GPR161: variants seen among roughly 807,000 people sequenced by gnomAD.
The protein encoded by GPR161 is G protein-coupled receptor 161, also known as G-protein coupled receptor RE2.
GPR161 carries 25 observed loss-of-function variants against 39.2 expected under a neutral mutation model. The ratio of observed to expected loss-of-function variants is 0.64; its 90% CI spans 0.47 to 0.89. The LOEUF (loss-of-function observed/expected upper bound fraction) is 0.89, where lower values mean the gene tolerates loss of function less well. Among genes scored for constraint, GPR161 ranks in the 40% least tolerant of loss-of-function variants. The pLI, the probability that GPR161 is intolerant of heterozygous loss-of-function variation, is 0.00. For missense variants in GPR161, 547 were observed against 677.8 expected, an observed-to-expected ratio of 0.81 and a Z score of 2.14; for synonymous variants, 286 against 276.6, an observed-to-expected ratio of 1.03 and a Z score of -0.34.
intron 1 of GPR161, among the ~76,000 whole-genome samples, chr1:168,128,181 AG>A (rs1220931754): frequency 6.6e-6 from 1 of 152,190 alleles, no homozygotes; most frequent in African/African-American, 2.4e-5. Context: ...TTTAAGCAGA[AG>A]AGCTGAAATG....
In GPR161 at chr1:168,136,754, G is replaced by C. The variant is rs1408437838; in HGVS notation, c.-60C>G. On this transcript the variant is annotated 5_prime_UTR_variant, in exon 1 of 6. Transcript: ENST00000682931. Reference sequence around the variant, plus strand: ...GGGTGCTCACCGAGGAGCGGCCGCCGCGGCAGCTCAGGCCCCGGCCCAGCC... The same window carrying C: ...GGGTGCTCACCGAGGAGCGGCCGCCCCGGCAGCTCAGGCCCCGGCCCAGCC... The C allele has an allele frequency of 1.9e-5, 19 of 994,896 alleles. No individual in the cohort carries two copies. Among genetic ancestry groups the C allele is most frequent in the Non-Finnish European group, 2.0e-5 (17 of 836,816 alleles). 61.6% of individuals were successfully genotyped at this position (994,896 alleles called of 1,614,324 possible).
intron 1 of GPR161, among the ~76,000 whole-genome samples, chr1:168,126,968 G>A (rs1247717864): frequency 6.6e-6 from 1 of 152,122 alleles, no homozygotes; most frequent in Non-Finnish European, 1.5e-5. Flanking sequence ...TGAATTCCCT[G>A]TGACTGTGTG....
rs925157551 is a variant in GPR161 at position 168,080,758 on chromosome 1, G to A, written c.*4773C>T. The A allele has an allele frequency of 2.6e-5, 4 of 152,230 alleles. No homozygotes were observed. Among genetic ancestry groups the A allele is most frequent in the African/African-American group, 7.2e-5 (3 of 41,438 alleles). The allele number at this position is 152,230 out of a possible 1,614,324, so 9.4% of individuals were successfully genotyped here. On this transcript the variant is annotated 3_prime_UTR_variant, in exon 6 of 6. Coordinates refer to ENST00000682931, the MANE Select transcript of GPR161 (RefSeq NM_001375883.1). Reference sequence around the variant, plus strand: ...CTGTATTTGTGCTATGATTTGGAACGTTACACCAGGCCCTGGGGATTTGAT... The same window carrying A: ...CTGTATTTGTGCTATGATTTGGAACATTACACCAGGCCCTGGGGATTTGAT...
At chr1:168,097,379 C>A (rs1695661009) in intron 2 of GPR161, 147 bp from the exon 3 acceptor site, 3 of 747,122 alleles carry the variant, frequency 4.0e-6, no homozygotes, top group Non-Finnish European at 6.6e-6. Flanking sequence ...GTTATATAGA[C>A]TGCATCGTGT....
chr1:168,116,799 C>T (rs924399139), intron 1 of GPR161, among the ~76,000 whole-genome samples: 2 of 152,200 alleles, frequency 1.3e-5, no homozygotes, highest in Admixed American at 6.5e-5. Flanking sequence ...GTGCTTTGGC[C>T]CTCTCCCCAT....
chr1:168,112,831 T>G (rs1384102189), intron 1 of GPR161, among the ~76,000 whole-genome samples: 2 of 152,172 alleles, frequency 1.3e-5, no homozygotes, highest in Non-Finnish European at 1.5e-5. Flanking sequence ...CACTCCAGTC[T>G]GAGTGACAGA....
chr1:168,136,769 C>G lies in GPR161; in HGVS notation c.-75G>C, dbSNP rs1699414494. On this transcript the variant is annotated 5_prime_UTR_variant, in exon 1 of 6. Transcript: ENST00000682931. ...AGCGGCCGCCGCGGCAGCTCAGGCCCCGGCCCAGCCGCCTCCCCGCCTCGG... is the reference window on the plus strand; with the variant it reads ...AGCGGCCGCCGCGGCAGCTCAGGCCGCGGCCCAGCCGCCTCCCCGCCTCGG... 1.0e-6 allele frequency: 1 copy of G among 989,786 alleles called. No individual in the cohort carries two copies. Among genetic ancestry groups the G allele is most frequent in the Non-Finnish European group, 1.2e-6 (1 of 833,092 alleles). The allele number at this position is 989,786 out of a possible 1,614,324, so 61.3% of individuals were successfully genotyped here. A position where few individuals can be genotyped will look rare whatever the true frequency, so the allele number is the denominator to read the frequency against.
chr1:168,118,593 C>A (rs1049447654), intron 1 of GPR161: 4 of 152,152 alleles, frequency 2.6e-5, no homozygotes, highest in African/African-American at 9.6e-5. Flanking sequence ...TGTACTTGTA[C>A]CCCTTAAATA....
rs112534798 is a variant in GPR161 at position 168,111,267 on chromosome 1, G to T, written c.-44-6373C>A. Among the ~76,000 whole-genome samples, 1,387 of 152,256 alleles carry T rather than the reference G, an allele frequency of 9.1e-3. 20 individuals are homozygous for T. The highest frequency in any genetic ancestry group is 0.032 in the African/African-American group (1,327 of 41,548). On this transcript the variant is annotated intron_variant, in intron 1 of 5. Transcript: ENST00000682931. ...ACTAGCAGACCTCTGACTTTGTCTGGTGTCCAACCCTCCTCCAAGTGCCTC... is the reference window on the plus strand; with the variant it reads ...ACTAGCAGACCTCTGACTTTGTCTGTTGTCCAACCCTCCTCCAAGTGCCTC...
chr1:168,087,750 C>A lies in GPR161; in HGVS notation c.1205-46G>T, dbSNP rs777402836. On this transcript the variant is annotated intron_variant, in intron 4 of 5. Coordinates refer to ENST00000682931, the MANE Select transcript of GPR161 (RefSeq NM_001375883.1). ...TGCATATGTAACTACAATCTAAAGT[C>A]CTCCTGGCCTCTTCTCCCCTCTCAA... 1.7e-5 allele frequency: 26 copies of A among 1,557,570 alleles called. No individual in the cohort carries two copies. The South Asian group carries it at 3.2e-4, about 19-fold the overall frequency.
intron 3 of GPR161, among the ~76,000 whole-genome samples, chr1:168,093,381 G>A (rs1451675396): frequency 6.6e-6 from 1 of 152,152 alleles, no homozygotes; most frequent in East Asian, 1.9e-4. Context: ...CAGAACCACT[G>A]ATTATGGCTG....
intron 1 of GPR161, among the ~76,000 whole-genome samples, chr1:168,123,559 C>G (rs894126494): frequency 6.6e-6 from 1 of 150,550 alleles, no homozygotes; most frequent in Admixed American, 6.7e-5. Context: ...CACACACACA[C>G]ACACACACAC....
chr1:168,092,267 G>C (rs1322996542), intron 3 of GPR161, among the ~76,000 whole-genome samples: 2 of 152,324 alleles, frequency 1.3e-5, no homozygotes, highest in East Asian at 1.9e-4. Flanking sequence ...CAGAGCCTGT[G>C]GGGGCATCTC....
chr1:168,100,096 T>C (rs1226629408), intron 2 of GPR161, among the ~76,000 whole-genome samples: 2 of 151,138 alleles, frequency 1.3e-5, no homozygotes, highest in South Asian at 2.1e-4. Flanking sequence ...ACTTAGCTAT[T>C]TGGGAGGCTG....
chr1:168,098,699 T>C lies in GPR161; in HGVS notation c.375-1467A>G, dbSNP rs942788663. ...TGAGCCTTGAGCCCAGGCCAGGATCTATCCTGGAAAGAGAGCATTTCCGGC... is the reference window on the plus strand; with the variant it reads ...TGAGCCTTGAGCCCAGGCCAGGATCCATCCTGGAAAGAGAGCATTTCCGGC... On this transcript the variant is annotated intron_variant, in intron 2 of 5. Coordinates refer to ENST00000682931, the MANE Select transcript of GPR161 (RefSeq NM_001375883.1). This position sits in a 1 kb window ranked among gnomAD's most constrained non-coding sequence, Gnocchi z 4.1. Among the ~76,000 whole-genome samples the C allele has an allele frequency of 2.0e-5, 3 of 152,148 alleles. No homozygotes were observed. Among genetic ancestry groups the C allele is most frequent in the Non-Finnish European group, 4.4e-5 (3 of 68,030 alleles).
intron 3 of GPR161, among the ~76,000 whole-genome samples, chr1:168,094,336 A>T (rs1469504264): frequency 6.6e-6 from 1 of 152,192 alleles, no homozygotes; most frequent in Non-Finnish European, 1.5e-5. Context: ...TTAATCAGTG[A>T]AATGAAGCCC....
In GPR161 at chr1:168,104,885, T is replaced by A; in HGVS notation, c.-35A>T. 6.2e-7 allele frequency: 1 copy of A among 1,605,506 alleles called. No individual in the cohort carries two copies. The highest frequency in any genetic ancestry group is 8.5e-7 in the Non-Finnish European group (1 of 1,173,716). Reference sequence around the variant, plus strand: ...ACCTCGGCGTGGGGTGGGCAGAGCATGCTGGACGACTGGAAAGATAAGGCA... The same window carrying A: ...ACCTCGGCGTGGGGTGGGCAGAGCAAGCTGGACGACTGGAAAGATAAGGCA... On this transcript the variant is annotated 5_prime_UTR_variant, in exon 2 of 6. It removes an upstream start codon present in the reference 5' UTR. Coordinates refer to ENST00000682931, the MANE Select transcript of GPR161 (RefSeq NM_001375883.1).
intron 1 of GPR161, among the ~76,000 whole-genome samples, chr1:168,107,032 T>C (rs1345206954): frequency 2.6e-5 from 4 of 151,922 alleles, no homozygotes; most frequent in East Asian, 1.9e-4. Flanking sequence ...ATTAAGAAAA[T>C]AGACTTTGCA....
rs1162217447 is a variant in GPR161, at chr1:168,096,539, G to T, written c.1068C>A (p.Ser356=). ...REPFVQRQRT[S]RLFSISNRIT... ...TCCTGTTGGAAATGCTGAAGAGCCT[G>T]GAAGTCCTCTGTCGTTGCACAAATG... Residue 356 remains serine (S), a synonymous_variant, in exon 3 of 6, where the codon TCC becomes TCA. Transcript: ENST00000682931. The T allele has an allele frequency of 1.2e-6, 2 of 1,614,078 alleles. No individual in the cohort carries two copies. The highest frequency in any genetic ancestry group is 1.7e-5 in the Admixed American group (1 of 60,006).
Sources: allele counts gnomAD v4.1 joint callset (sites outside exome capture counted in the v4.1 genomes callset), GRCh38; gene constraint gnomAD v4.1.1; non-coding constraint Gnocchi (gnomAD v3.1); transcripts MANE v1.5; gene names NCBI Gene and HGNC (gene_info 2026-07-23, HGNC 2026-07-21).